The following CPNE1 variants were observed in gnomAD, a reference collection of about 807,000 sequenced individuals.
CPNE1 encodes copine 1.
CPNE1 carries 58 observed loss-of-function variants against 63.2 expected under a neutral mutation model. The ratio of observed to expected loss-of-function variants is 0.92; its 90% CI spans 0.74 to 1.14. CPNE1 has a LOEUF of 1.14. Ranked by LOEUF, CPNE1 falls within the 50% of genes most tolerant of loss-of-function variation. The pLI, the probability that CPNE1 is intolerant of heterozygous loss-of-function variation, is 0.00. For synonymous variants in CPNE1, 237 were observed against 249.0 expected (o/e 0.95, Z 0.45); for missense variants, 672 against 661.7 (o/e 1.02, Z -0.17).
At chr20:35,654,007 A>T in intron 1 of CPNE1, 1 of 1,614,202 alleles carries the variant, frequency 6.2e-7, no homozygotes, top group Non-Finnish European at 8.5e-7. Flanking sequence ...TTCTGCTTCA[A>T]ATGGTAGCCC....
intron 1 of CPNE1, chr20:35,653,303 T>TG (rs1023446319): frequency 6.2e-7 from 1 of 1,613,502 alleles, no homozygotes; most frequent in Non-Finnish European, 8.5e-7. Context: ...AGTCCTGTGC[T>TG]GGGCAGGCCT....
chr20:35,631,457 C>A, intron 8 of CPNE1, 35 bp downstream of exon 8: 3 of 1,608,008 alleles, frequency 1.9e-6, no homozygotes, highest in Non-Finnish European at 2.6e-6. Context: ...GCTATCTAGG[C>A]CCATTTCCAC....
intron 1 of CPNE1, chr20:35,654,940 T>G (rs371145590): frequency 1.5e-5 from 25 of 1,614,148 alleles, no homozygotes; most frequent in Non-Finnish European, 2.0e-5. Context: ...GGGTGATGGA[T>G]TATTAAAGTT....
At chr20:35,651,829 T>C (rs560511754) in intron 1 of CPNE1, 1 of 152,732 alleles carries the variant, frequency 6.5e-6, no homozygotes, top group African/African-American at 2.4e-5. Flanking sequence ...CAGTTTTAAG[T>C]GTGACATTAG....
rs574155574 is a variant in CPNE1, at chr20:35,633,899, C to T, written c.1-976G>A. ...GCTTGAACCCAGGAGGTGGAGGTTG[C>T]AGTGAGCCGAGACTGTGCCACTGTA... On this transcript the variant is annotated intron_variant, in intron 1 of 15. Transcript: ENST00000397443. Among the ~76,000 whole-genome samples, 5 of 126,024 alleles carry T rather than the reference C, an allele frequency of 4.0e-5. No homozygotes were observed. The East Asian group carries it at 8.9e-4, about 22-fold the overall frequency. The allele number at this position is 126,024 out of a possible 152,430, so 82.7% of individuals were successfully genotyped here. A position where few individuals can be genotyped will look rare whatever the true frequency, so the allele number is the denominator to read the frequency against.
intron 1 of CPNE1, among the ~76,000 whole-genome samples, chr20:35,662,894 C>T (rs1381075151): frequency 1.3e-5 from 2 of 152,172 alleles, no homozygotes; most frequent in Non-Finnish European, 2.9e-5. Flanking sequence ...ATTTCTAAAG[C>T]TTCACATTTT....
At chr20:35,652,695 A>G in intron 1 of CPNE1, 1 of 1,614,156 alleles carries the variant, frequency 6.2e-7, no homozygotes, top group South Asian at 1.1e-5. Flanking sequence ...GATAGCCATA[A>G]AAGAAATCTA....
intron 1 of CPNE1, among the ~76,000 whole-genome samples, chr20:35,641,723 T>C (rs17426419): frequency 0.042 from 6,400 of 152,332 alleles, 216 homozygotes; most frequent in South Asian, 0.18. Context: ...TGGACCACTA[T>C]ATTCAATTCA....
intron 1 of CPNE1, among the ~76,000 whole-genome samples, chr20:35,633,405 C>CTGGGG (rs2032290550): frequency 6.6e-6 from 1 of 152,212 alleles, no homozygotes; most frequent in South Asian, 2.1e-4. Context: ...AATAATTTCT[C>CTGGGG]ACTAACCCTG....
chr20:35,645,935 T>G (rs866234173), intron 1 of CPNE1, among the ~76,000 whole-genome samples: 3 of 151,954 alleles, frequency 2.0e-5, no homozygotes, highest in Middle Eastern at 3.4e-3. Flanking sequence ...CCAGTTGGTG[T>G]GATTTAAAAC....
chr20:35,631,163 T>C lies in CPNE1; in HGVS notation c.812A>G (p.Glu271Gly), dbSNP rs1452198378. 1 of 1,614,108 alleles carries C rather than the reference T, an allele frequency of 6.2e-7. No individual in the cohort carries two copies. The highest frequency in any genetic ancestry group is 8.5e-7 in the Non-Finnish European group (1 of 1,179,992). ...CATCACATAGTCCAGAAAGGAGTAC[T>C]CTGTTTCTACCTGCAAATGAAACCA... is the stretch of plus-strand genomic sequence containing the variant. ...IRVKICRVET[E>G]YSFLDYVMGG... The change falls in exon 10 of 16, where the codon GAG becomes GGG. Residue 271 changes from glutamate to glycine, a missense_variant. Coordinates refer to ENST00000397443, the MANE Select transcript of CPNE1 (RefSeq NM_152925.3).
At chr20:35,640,900 T>C (rs574749943) in intron 1 of CPNE1, among the ~76,000 whole-genome samples, 11 of 152,154 alleles carry the variant, frequency 7.2e-5, no homozygotes, top group Non-Finnish European at 1.3e-4. Context: ...AACACCAATT[T>C]ATCTTCTCTG....
At chr20:35,637,810 CCTAA>C (rs2032572818) in intron 1 of CPNE1, among the ~76,000 whole-genome samples, 2 of 152,312 alleles carry the variant, frequency 1.3e-5, no homozygotes, top group South Asian at 4.1e-4. Context: ...CTTACCCTTG[CCTAA>C]CTAATCATCT....
At chr20:35,632,068 A>C (rs78084033) in intron 5 of CPNE1, 43 bp from the exon 6 acceptor site, 217,197 of 1,606,014 alleles carry the variant, frequency 0.14, 15,196 homozygotes, top group Middle Eastern at 0.2. Flanking sequence ...GGAACAAACA[A>C]CCATTATGCC....
intron 1 of CPNE1, among the ~76,000 whole-genome samples, chr20:35,643,890 A>G (rs375950606): frequency 2.6e-5 from 4 of 152,124 alleles, no homozygotes; most frequent in East Asian, 3.9e-4. Flanking sequence ...AGAATCCATG[A>G]CAGAAGACTG....
At chr20:35,641,275 C>T (rs1011303973) in intron 1 of CPNE1, among the ~76,000 whole-genome samples, 5 of 152,210 alleles carry the variant, frequency 3.3e-5, no homozygotes, top group East Asian at 1.9e-4. Context: ...AAGACTAGAA[C>T]TCAAATATTC....
In CPNE1 at chr20:35,632,323, C is replaced by A; in HGVS notation, c.372G>T (p.Arg124=). The change falls in exon 4 of 16, where the codon CGG becomes CGT. Residue 124 remains arginine, a synonymous_variant. Coordinates refer to ENST00000397443, the MANE Select transcript of CPNE1 (RefSeq NM_152925.3). Reference sequence around the variant, plus strand: ...CTGGGTTCCTTACCGTGATGGTCCCCCGCCCAGCAGGTTTTCCAGGCTTCA... The same window carrying A: ...CTGGGTTCCTTACCGTGATGGTCCCACGCCCAGCAGGTTTTCCAGGCTTCA... ...LMLKPGKPAG[R]GTITVSAQEL... 6.2e-7 allele frequency: 1 copy of A among 1,614,106 alleles called. No individual in the cohort carries two copies. The highest frequency in any genetic ancestry group is 8.5e-7 in the Non-Finnish European group (1 of 1,179,986).
Position 35,632,312 on chromosome 20 carries a change from G to A in CPNE1, c.383C>T (p.Thr128Met), listed in dbSNP as rs201171766. 517 of 1,613,940 alleles carry A rather than the reference G, an allele frequency of 3.2e-4. 5 individuals are homozygous for A. In the South Asian group the frequency reaches 3.4e-3, roughly 11 times the overall value. ...CTCAACCCTTGCTGGGTTCCTTACC[G>A]TGATGGTCCCCCGCCCAGCAGGTTT... ...PGKPAGRGTITVSAQELKDNR... is the reference protein window; with the variant it reads ...PGKPAGRGTIMVSAQELKDNR... Residue 128 changes from threonine to methionine, a missense_variant and splice_region_variant, in exon 4 of 16, where the codon ACG (threonine) becomes ATG (methionine). Thr to Met is a moderately conservative substitution (Grantham distance 81). Transcript: ENST00000397443.
chr20:35,638,257 C>G (rs1842114340), intron 1 of CPNE1, among the ~76,000 whole-genome samples: 1 of 152,148 alleles, frequency 6.6e-6, no homozygotes, highest in African/African-American at 2.4e-5. Flanking sequence ...ATAAATCTCC[C>G]CTATCCTGAT....
Sources: gnomAD v4.1 joint callset for allele counts (sites outside exome capture counted in the v4.1 genomes callset) on GRCh38, gnomAD v4.1.1 for gene constraint, MANE v1.5 for transcripts, NCBI Gene and HGNC (gene_info 2026-07-23, HGNC 2026-07-21) for gene names.